The following CCND1 variants were observed in gnomAD, a reference collection of about 807,000 sequenced individuals.
CCND1 encodes cyclin D1, also known as G1/S-specific cyclin-D1.
CCND1 carries 9 observed loss-of-function variants against 26.1 expected under a neutral mutation model. That is an observed-to-expected ratio of 0.35 (90% CI 0.21 to 0.60). The LOEUF (loss-of-function observed/expected upper bound fraction) is 0.60. Ranked by LOEUF, CCND1 falls within the 20% of genes least tolerant of loss-of-function variation. The pLI is 0.79. For synonymous variants in CCND1, 194 were observed against 166.1 expected, an observed-to-expected ratio of 1.17 and a Z score of -1.29; for missense variants, 335 against 392.9, an observed-to-expected ratio of 0.85 and a Z score of 1.25.
In CCND1 at chr11:69,651,348, C is replaced by T. The variant is rs1855853643; in HGVS notation, c.*66C>T. 1 of 1,290,936 alleles carries T rather than the reference C, an allele frequency of 7.7e-7. No homozygotes were observed. Among genetic ancestry groups the T allele is most frequent in the African/African-American group, 1.6e-5 (1 of 64,500 alleles). 80.0% of individuals were successfully genotyped at this position (1,290,936 alleles called of 1,614,324 possible). On this transcript the variant is annotated 3_prime_UTR_variant, in exon 5 of 5. Coordinates refer to ENST00000227507, the MANE Select transcript of CCND1 (RefSeq NM_053056.3). ...GGCGGAGCCGGCCCCAGGTGCTCCCCTGACAGTCCCTCCTCTCCGGAGCAT... is the reference window on the plus strand; with the variant it reads ...GGCGGAGCCGGCCCCAGGTGCTCCCTTGACAGTCCCTCCTCTCCGGAGCAT...
intron 4 of CCND1, 170 bp downstream of exon 4, chr11:69,648,312 C>T: frequency 1.5e-6 from 1 of 667,670 alleles, no homozygotes; most frequent in South Asian, 1.9e-5. Flanking sequence ...CGGCTTCTTC[C>T]ACTGCTCCTA....
rs1255687506 is a variant in CCND1 at position 69,653,700 on chromosome 11, C to G, written c.*2418C>G. The G allele has an allele frequency of 6.3e-6, 2 of 319,840 alleles. No individual in the cohort carries two copies. Among genetic ancestry groups the G allele is most frequent in the Non-Finnish European group, 1.2e-5 (2 of 173,536 alleles). The allele number at this position is 319,840 out of a possible 1,614,324, so 19.8% of individuals were successfully genotyped here. A position where few individuals can be genotyped will look rare whatever the true frequency, so the allele number is the denominator to read the frequency against. On this transcript the variant is annotated 3_prime_UTR_variant, in exon 5 of 5. Coordinates refer to ENST00000227507, the MANE Select transcript of CCND1 (RefSeq NM_053056.3). ...TGTGATGCTGGGCACTTCATCTGAT[C>G]GGGGGCGTAGCATCATAGTAGTTTT...
At chr11:69,645,530 G>C (rs937857214) in intron 3 of CCND1, among the ~76,000 whole-genome samples, 27 of 152,220 alleles carry the variant, frequency 1.8e-4, no homozygotes, top group Admixed American at 6.5e-5. Flanking sequence ...CTCAGTGACT[G>C]TGGAGTCCAC....
intron 1 of CCND1, 128 bp downstream of exon 1, chr11:69,641,639 G>A (rs1855702041): frequency 1.3e-5 from 12 of 903,780 alleles, no homozygotes; most frequent in Non-Finnish European, 2.0e-5. Context: ...GTGTTTCTAG[G>A]GATCCGTATT....
At chr11:69,648,505 G>A (rs3918298) in intron 4 of CCND1, among the ~76,000 whole-genome samples, 13,947 of 152,284 alleles carry the variant, frequency 0.092, 1,352 homozygotes, top group African/African-American at 0.25. Flanking sequence ...CACAATGTGC[G>A]TGGCCAATAA....
At chr11:69,647,807 C>T (rs900676385) in intron 3 of CCND1, 187 bp from the exon 4 acceptor site, 34 of 638,146 alleles carry the variant, frequency 5.3e-5, no homozygotes, top group Admixed American at 2.1e-4. Flanking sequence ...GGGCCAGGCT[C>T]TTGCTCTCCG....
chr11:69,652,017 C>G lies in CCND1; in HGVS notation c.*735C>G, dbSNP rs1855862717. 2 of 233,172 alleles carry G rather than the reference C, an allele frequency of 8.6e-6. No individual in the cohort carries two copies. Among genetic ancestry groups the G allele is most frequent in the South Asian group, 3.6e-4 (2 of 5,534 alleles). 14.4% of individuals were successfully genotyped at this position (233,172 alleles called of 1,614,324 possible). A position where few individuals can be genotyped will look rare whatever the true frequency, so the allele number is the denominator to read the frequency against. ...TGTGACCACCACCCCAACAAACCAT[C>G]CAGTGACAAACCATCCAGTGGAGGT... is the stretch of plus-strand genomic sequence containing the variant. On this transcript the variant is annotated 3_prime_UTR_variant, in exon 5 of 5. Transcript: ENST00000227507.
Position 69,643,812 on chromosome 11 carries a change from C to T in CCND1, c.415-20C>T, listed in dbSNP as rs374854967. 1.4e-5 allele frequency: 22 copies of T among 1,592,560 alleles called. No homozygotes were observed. The African/African-American group carries it at 2.9e-4, about 21-fold the overall frequency. The stretch of plus-strand genomic sequence containing the variant: ...GCTGGCCCGCACCTCCCCTGATGGC[C>T]GCTCACCCTGTGTTCGCAGCAAATG... On this transcript the variant is annotated intron_variant, in intron 2 of 4. Coordinates refer to ENST00000227507, the MANE Select transcript of CCND1 (RefSeq NM_053056.3).
chr11:69,643,327 CG>C, intron 2 of CCND1, 81 bp downstream of exon 2: 2 of 1,159,538 alleles, frequency 1.7e-6, no homozygotes, highest in Non-Finnish European at 2.4e-6. Flanking sequence ...CAGGCGGTGG[CG>C]GCCGGCCCGC....
rs1375845153 is a variant in CCND1, at chr11:69,643,211, T to C, written c.379T>C (p.Tyr127His). ...IPLTAEKLCI[Y>H]TDNSIRPEEL... Reference sequence around the variant, plus strand: ...CCTGACGGCCGAGAAGCTGTGCATCTACACCGACAACTCCATCCGGCCCGA... The same window carrying C: ...CCTGACGGCCGAGAAGCTGTGCATCCACACCGACAACTCCATCCGGCCCGA... Residue 127 changes from tyrosine to histidine, a missense_variant, in exon 2 of 5, where the codon TAC (tyrosine) becomes CAC (histidine). Physicochemically the swap from Tyr to His is moderately conservative, Grantham distance 83 (BLOSUM62 2). Coordinates refer to ENST00000227507, the MANE Select transcript of CCND1 (RefSeq NM_053056.3). 6.2e-6 allele frequency: 10 copies of C among 1,600,484 alleles called. No homozygotes were observed. Among genetic ancestry groups the C allele is most frequent in the Admixed American group, 1.7e-5 (1 of 58,332 alleles).
Position 69,654,194 on chromosome 11 carries a change from G to T in CCND1, c.*2912G>T, listed in dbSNP as rs764005327. ...TGGCTGCGGCGTCTGTCTGAACCACGCGGGGGCCTTGAGGGACGCTTTGTC... is the reference window on the plus strand; with the variant it reads ...TGGCTGCGGCGTCTGTCTGAACCACTCGGGGGCCTTGAGGGACGCTTTGTC... On this transcript the variant is annotated 3_prime_UTR_variant, in exon 5 of 5. Coordinates refer to ENST00000227507, the MANE Select transcript of CCND1 (RefSeq NM_053056.3). This position sits in a 1 kb window ranked among gnomAD's most constrained non-coding sequence, Gnocchi z 6.3. 10 of 527,982 alleles carry T rather than the reference G, an allele frequency of 1.9e-5. No individual in the cohort carries two copies. The highest frequency in any genetic ancestry group is 1.7e-4 in the African/African-American group (9 of 51,614). 32.7% of individuals were successfully genotyped at this position (527,982 alleles called of 1,614,324 possible). A position where few individuals can be genotyped will look rare whatever the true frequency, so the allele number is the denominator to read the frequency against.
Position 69,641,480 on chromosome 11 carries a change from T to C in CCND1, c.167T>C (p.Met56Thr). ...KCVQKEVLPS[M>T]RKIVATWMLE... ...GTGCAGAAGGAGGTCCTGCCGTCCA[T>C]GCGGAAGATCGTCGCCACCTGGATG... is the stretch of plus-strand genomic sequence containing the variant. The change falls in exon 1 of 5, where the codon ATG (methionine) becomes ACG (threonine). Residue 56 changes from methionine (M) to threonine (T), a missense_variant. By Grantham distance (81) the Met-to-Thr change is moderately conservative. Transcript: ENST00000227507. 8 of 1,613,264 alleles carry C rather than the reference T, an allele frequency of 5.0e-6. No individual in the cohort carries two copies. Among genetic ancestry groups the C allele is most frequent in the Non-Finnish European group, 5.1e-6 (6 of 1,179,986 alleles).
rs1855799075 is a variant in CCND1 at position 69,647,578 on chromosome 11, G to A, written c.575-416G>A. Among the ~76,000 whole-genome samples, 4 of 152,348 alleles carry A rather than the reference G, an allele frequency of 2.6e-5. No individual in the cohort carries two copies. The South Asian group carries it at 8.3e-4, about 32-fold the overall frequency. ...TGCTGGGGGGTGGCAGGTACTTGGG[G>A]TGAGGGTTAGGGTCATAGAAGCGAC... is the stretch of plus-strand genomic sequence containing the variant. On this transcript the variant is annotated intron_variant, in intron 3 of 4. Transcript: ENST00000227507.
intron 2 of CCND1, 52 bp from the exon 3 acceptor site, chr11:69,643,772 TCCCCGCGC>T: frequency 6.5e-7 from 1 of 1,537,984 alleles, no homozygotes; most frequent in Non-Finnish European, 8.8e-7. Context: ...GCTGCCGGCT[TCCCCGCGC>T]CCCCGGGCTG....
Position 69,641,328 on chromosome 11 carries a change from C to T in CCND1, c.15C>T (p.Leu5=), listed in dbSNP as rs1214959982. 2 of 1,612,440 alleles carry T rather than the reference C, an allele frequency of 1.2e-6. No individual in the cohort carries two copies. The highest frequency in any genetic ancestry group is 4.5e-5 in the East Asian group (2 of 44,860). The part of the protein sequence containing the change: MEHQ[L]LCCEVETIRR... ...GAGCCCCAGCCATGGAACACCAGCT[C>T]CTGTGCTGCGAAGTGGAAACCATCC... The change falls in exon 1 of 5, where the codon CTC becomes CTT. Residue 5 remains leucine (L), a synonymous_variant. Transcript: ENST00000227507.
At chr11:69,641,761 G>T (rs1422108059) in intron 1 of CCND1, among the ~76,000 whole-genome samples, 1 of 152,092 alleles carries the variant, frequency 6.6e-6, no homozygotes, top group Non-Finnish European at 1.5e-5. Context: ...GTGCCTTCGG[G>T]AGAAGCCAGT....
At position 69,653,462 on chromosome 11, in the gene CCND1, A is replaced by C. The variant is rs3212901; in HGVS notation, c.*2180A>C. 3.0e-3 allele frequency: 1,767 copies of C among 590,446 alleles called. 33 individuals carry two copies. The African/African-American group carries it at 0.032, about 11-fold the overall frequency. 36.6% of individuals were successfully genotyped at this position (590,446 alleles called of 1,614,324 possible). ...TGATCAATTTTGACTTAATGTGATT[A>C]CTGCTCTATTCCAAAAAGGTTGCTG... On this transcript the variant is annotated 3_prime_UTR_variant, in exon 5 of 5. Transcript: ENST00000227507.
At chr11:69,649,482 C>G (rs1855828514) in intron 4 of CCND1, among the ~76,000 whole-genome samples, 1 of 152,250 alleles carries the variant, frequency 6.6e-6, no homozygotes, top group Admixed American at 6.5e-5. Context: ...ACCAACGTAG[C>G]TGAGCCCAGA....
intron 2 of CCND1, 53 bp from the exon 3 acceptor site, chr11:69,643,779 G>GC: frequency 1.2e-5 from 19 of 1,550,748 alleles, no homozygotes; most frequent in Non-Finnish European, 1.7e-5. Context: ...GCTTCCCCGC[G>GC]CCCCCGGGCT....
Sources: allele counts gnomAD v4.1 joint callset (sites outside exome capture counted in the v4.1 genomes callset), GRCh38; gene constraint gnomAD v4.1.1; non-coding constraint Gnocchi (gnomAD v3.1); transcripts MANE v1.5; gene names NCBI Gene and HGNC (gene_info 2026-07-23, HGNC 2026-07-21).